The following IGF2BP3 variants were observed in gnomAD, a reference collection of about 807,000 sequenced individuals.
IGF2BP3 encodes insulin like growth factor 2 mRNA binding protein 3.
A neutral mutation model predicts 73.8 loss-of-function variants in IGF2BP3; 9 were observed. That is an observed-to-expected ratio of 0.12 (90% CI 0.07 to 0.21). IGF2BP3 has a LOEUF of 0.21. Among genes scored for constraint, IGF2BP3 ranks in the 10% least tolerant of loss-of-function variants. The pLI, the probability that IGF2BP3 is intolerant of heterozygous loss-of-function variation, is 1.00. For synonymous variants in IGF2BP3, 258 were observed against 256.7 expected (o/e 1.01, Z -0.05); for missense variants, 542 against 714.0 (o/e 0.76, Z 2.75).
chr7:23,379,997 G>T (rs117743396), intron 3 of IGF2BP3, among the ~76,000 whole-genome samples: 1 of 152,064 alleles, frequency 6.6e-6, no homozygotes, highest in Non-Finnish European at 1.5e-5. Context: ...CAGAGAATTT[G>T]AATGTCAACT....
chr7:23,398,062 C>A (rs11980647), intron 3 of IGF2BP3, among the ~76,000 whole-genome samples: 1 of 128,286 alleles, frequency 7.8e-6, no homozygotes, highest in Non-Finnish European at 1.6e-5. Context: ...TATCCCTCCC[C>A]CCGCCCCACC....
intron 2 of IGF2BP3, among the ~76,000 whole-genome samples, chr7:23,426,426 TTTTCCTGATTAAAAAATATC>T (rs1440839125): frequency 6.6e-6 from 1 of 151,968 alleles, no homozygotes; most frequent in Non-Finnish European, 1.5e-5. Context: ...AGTACTCAAA[TTTTCCTGATTAAAAAATATC>T]TTTCTTAACA....
At chr7:23,460,326 A>G (rs1236720654) in intron 2 of IGF2BP3, among the ~76,000 whole-genome samples, 3 of 151,944 alleles carry the variant, frequency 2.0e-5, no homozygotes, top group Non-Finnish European at 4.4e-5. Flanking sequence ...TTATGAGTTC[A>G]AGACCAACCT....
At chr7:23,364,370 T>C (rs1277644141) in intron 3 of IGF2BP3, among the ~76,000 whole-genome samples, 1 of 147,180 alleles carries the variant, frequency 6.8e-6, no homozygotes, top group Non-Finnish European at 1.5e-5. Flanking sequence ...CAAGACTCCA[T>C]CTAAAAAAAA....
At chr7:23,373,749 C>A (rs548996908) in intron 3 of IGF2BP3, among the ~76,000 whole-genome samples, 1 of 152,184 alleles carries the variant, frequency 6.6e-6, no homozygotes, top group Non-Finnish European at 1.5e-5. Flanking sequence ...TGCTGAAATG[C>A]GATCCCCAGT....
In IGF2BP3 at chr7:23,310,927, G is replaced by A. The variant is rs572738581; in HGVS notation, c.*1435C>T. 3 of 152,104 alleles carry A rather than the reference G, an allele frequency of 2.0e-5. No individual in the cohort carries two copies. Among genetic ancestry groups the A allele is most frequent in the Non-Finnish European group, 2.9e-5 (2 of 68,010 alleles). The allele number at this position is 152,104 out of a possible 1,614,324, so 9.4% of individuals were successfully genotyped here. Reference sequence around the variant, plus strand: ...CCACCCACACCCAACACAATTGTACGTACTGGGCTTTGCTGTCAAGGAGTG... The same window carrying A: ...CCACCCACACCCAACACAATTGTACATACTGGGCTTTGCTGTCAAGGAGTG... On this transcript the variant is annotated 3_prime_UTR_variant, in exon 15 of 15. Coordinates refer to ENST00000258729, the MANE Select transcript of IGF2BP3 (RefSeq NM_006547.3).
At chr7:23,422,115 G>A (rs964645576) in intron 2 of IGF2BP3, among the ~76,000 whole-genome samples, 1 of 152,064 alleles carries the variant, frequency 6.6e-6, no homozygotes, top group Non-Finnish European at 1.5e-5. Context: ...ACACAGTAAG[G>A]ATTAGCAGCA....
intron 2 of IGF2BP3, among the ~76,000 whole-genome samples, chr7:23,449,274 T>C (rs1005175650): frequency 3.9e-5 from 6 of 151,974 alleles, no homozygotes; most frequent in Non-Finnish European, 8.8e-5. Flanking sequence ...TCCCAGCACT[T>C]TGGGAGACCG....
chr7:23,447,384 GAGGCCA>G (rs1788091038), intron 2 of IGF2BP3, among the ~76,000 whole-genome samples: 1 of 152,026 alleles, frequency 6.6e-6, no homozygotes, highest in African/African-American at 2.4e-5. Context: ...CAGCACTTAG[GAGGCCA>G]AGGCAGGTAG....
chr7:23,310,750 C>T lies in IGF2BP3; in HGVS notation c.*1612G>A, dbSNP rs1783803429. 1 of 151,932 alleles carries T rather than the reference C, an allele frequency of 6.6e-6. No individual in the cohort carries two copies. Among genetic ancestry groups the T allele is most frequent in the Non-Finnish European group, 1.5e-5 (1 of 68,008 alleles). The allele number at this position is 151,932 out of a possible 1,614,324, so 9.4% of individuals were successfully genotyped here. Reference sequence around the variant, plus strand: ...ATTGATCTTCAGAAAAACATCTAGTCTGTATAGAAATTCATCTTGAAATAA... The same window carrying T: ...ATTGATCTTCAGAAAAACATCTAGTTTGTATAGAAATTCATCTTGAAATAA... On this transcript the variant is annotated 3_prime_UTR_variant, in exon 15 of 15. Transcript: ENST00000258729.
rs1232660812 is a variant in IGF2BP3, at chr7:23,310,418, G to GAAAT, written c.*1940_*1943dup. 6.6e-6 allele frequency: 1 copy of GAAAT among 152,204 alleles called. No individual in the cohort carries two copies. Among genetic ancestry groups the GAAAT allele is most frequent in the Non-Finnish European group, 1.5e-5 (1 of 68,042 alleles). 9.4% of individuals were successfully genotyped at this position (152,204 alleles called of 1,614,324 possible). A position where few individuals can be genotyped will look rare whatever the true frequency, so the allele number is the denominator to read the frequency against. On this transcript the variant is annotated 3_prime_UTR_variant, in exon 15 of 15. Coordinates refer to ENST00000258729, the MANE Select transcript of IGF2BP3 (RefSeq NM_006547.3). ...TTTGCCATACTAAAAGGCTAGAAGT[G>GAAAT]AAATATGACAGAATTTAAACCAGCA...
intron 10 of IGF2BP3, among the ~76,000 whole-genome samples, chr7:23,329,322 T>C (rs1490487639): frequency 6.6e-6 from 1 of 152,230 alleles, no homozygotes. Flanking sequence ...TACTGCATTT[T>C]GACAAGAGTA....
At chr7:23,362,263 A>C (rs778238936) in intron 3 of IGF2BP3, among the ~76,000 whole-genome samples, 3 of 151,070 alleles carry the variant, frequency 2.0e-5, no homozygotes, top group Non-Finnish European at 4.4e-5. Context: ...AATAAAGTAA[A>C]ATAAAAAGAG....
intron 2 of IGF2BP3, among the ~76,000 whole-genome samples, chr7:23,463,360 G>A (rs1358369263): frequency 6.6e-6 from 1 of 152,194 alleles, no homozygotes; most frequent in East Asian, 1.9e-4. Context: ...TAGTTTCAAA[G>A]CGTGGCAAAG....
intron 2 of IGF2BP3, among the ~76,000 whole-genome samples, chr7:23,444,760 A>C (rs1342735521): frequency 1.3e-5 from 2 of 151,772 alleles, no homozygotes; most frequent in South Asian, 2.1e-4. Flanking sequence ...AAAAAAAAAA[A>C]AAAAATTGCT....
intron 7 of IGF2BP3, 86 bp downstream of exon 7, chr7:23,347,514 G>T: frequency 1.4e-6 from 2 of 1,424,908 alleles, no homozygotes; most frequent in Non-Finnish European, 1.9e-6. Flanking sequence ...CTGTTTGTTG[G>T]CAATTCCCAA....
Position 23,470,286 on chromosome 7 carries a change from G to T in IGF2BP3, c.-176C>A, listed in dbSNP as rs1788686312. 4.0e-6 allele frequency: 2 copies of T among 504,698 alleles called. No homozygotes were observed. Among genetic ancestry groups the T allele is most frequent in the East Asian group, 3.3e-5 (1 of 30,432 alleles). The allele number at this position is 504,698 out of a possible 1,614,324, so 31.3% of individuals were successfully genotyped here. ...GAGTGAAAAATCAGATCCGAGGCTT[G>T]TTTTTTCCTTGTCTAGATGTGTTTT... On this transcript the variant is annotated 5_prime_UTR_variant, in exon 1 of 15. Transcript: ENST00000258729.
chr7:23,321,079 C>T (rs919418494), intron 10 of IGF2BP3, among the ~76,000 whole-genome samples: 4 of 151,872 alleles, frequency 2.6e-5, no homozygotes. Flanking sequence ...CCAAGATGGC[C>T]AAATAGGAAC....
intron 5 of IGF2BP3, 25 bp from the exon 6 acceptor site, chr7:23,351,611 T>G: frequency 6.2e-7 from 1 of 1,612,482 alleles, no homozygotes; most frequent in Non-Finnish European, 8.5e-7. Context: ...GGGGCAGGGG[T>G]GGGAAAAGGA....
Sources: gnomAD v4.1 joint callset for allele counts (sites outside exome capture counted in the v4.1 genomes callset) on GRCh38, gnomAD v4.1.1 for gene constraint, MANE v1.5 for transcripts, NCBI Gene and HGNC (gene_info 2026-07-23, HGNC 2026-07-21) for gene names.